SUSD4: variants seen among roughly 807,000 people sequenced by gnomAD.
The protein encoded by SUSD4 is sushi domain-containing protein 4.
A neutral mutation model predicts 50.5 loss-of-function variants in SUSD4; 41 were observed. The ratio of observed to expected loss-of-function variants is 0.81; its 90% CI spans 0.63 to 1.05. The LOEUF (loss-of-function observed/expected upper bound fraction) is 1.05, where lower values mean the gene tolerates loss of function less well. Among genes scored for constraint, SUSD4 ranks in the 50% least tolerant of loss-of-function variants. The probability of loss-of-function intolerance (pLI) is 0.00; values close to 1 mark genes in which losing one functional copy is unlikely to be tolerated. For synonymous variants in SUSD4, 257 were observed against 257.3 expected (o/e 1.00, Z 0.01); for missense variants, 580 against 634.7 (o/e 0.91, Z 0.93).
intron 2 of SUSD4, among the ~76,000 whole-genome samples, chr1:223,294,679 A>T (rs897487748): frequency 6.6e-6 from 1 of 152,194 alleles, no homozygotes; most frequent in Non-Finnish European, 1.5e-5. Context: ...CACATCTGAC[A>T]CTTGTACTTA....
intron 2 of SUSD4, among the ~76,000 whole-genome samples, chr1:223,356,553 G>A (rs938738893): frequency 6.6e-6 from 1 of 151,902 alleles, no homozygotes; most frequent in South Asian, 2.1e-4. Context: ...TGGGATTACC[G>A]GCATGAGCCA....
chr1:223,254,386 A>G (rs554832847), intron 5 of SUSD4, among the ~76,000 whole-genome samples: 68 of 152,296 alleles, frequency 4.5e-4, no homozygotes, highest in African/African-American at 1.6e-3. Flanking sequence ...ATTAAAAAAA[A>G]AGAGACAGAT....
At chr1:223,337,559 G>T (rs749235395) in intron 2 of SUSD4, among the ~76,000 whole-genome samples, 115 of 152,290 alleles carry the variant, frequency 7.6e-4, no homozygotes, top group Non-Finnish European at 6.8e-4. Context: ...AAGCTCTACT[G>T]CAACCTAACA....
At chr1:223,283,966 C>G (rs1362302019) in intron 3 of SUSD4, among the ~76,000 whole-genome samples, 1 of 152,000 alleles carries the variant, frequency 6.6e-6, no homozygotes, top group Admixed American at 6.6e-5. Flanking sequence ...TCATTCTCAG[C>G]AAACTATCAC....
rs141506504 is a variant in SUSD4, at chr1:223,301,756, C to G, written c.149-9105G>C. On this transcript the variant is annotated intron_variant, in intron 2 of 8. Transcript: ENST00000366878. ...AAAAAACCTTGCCTATTTTTAAAGA[C>G]AAAGTTTAGTCATCTGGGCATGTTA... 4.1e-3 allele frequency among the ~76,000 whole-genome samples: 617 copies of G among 152,244 alleles called. 2 individuals carry two copies. The highest frequency in any genetic ancestry group is 0.014 in the African/African-American group (585 of 41,542).
intron 3 of SUSD4, among the ~76,000 whole-genome samples, chr1:223,278,482 G>A (rs1405069918): frequency 6.6e-6 from 1 of 152,216 alleles, no homozygotes; most frequent in African/African-American, 2.4e-5. Context: ...ACAGCAGTCT[G>A]AGATCGAACT....
chr1:223,261,334 TGTTAAATA>T (rs1662107152), intron 5 of SUSD4, among the ~76,000 whole-genome samples: 2 of 152,182 alleles, frequency 1.3e-5, no homozygotes, highest in African/African-American at 4.8e-5. Flanking sequence ...AATCAGAACA[TGTTAAATA>T]GACAATGTAC....
chr1:223,235,849 CA>C (rs1660183774), intron 5 of SUSD4, among the ~76,000 whole-genome samples: 1 of 152,114 alleles, frequency 6.6e-6, no homozygotes, highest in Non-Finnish European at 1.5e-5. Context: ...TTGGTGTGGA[CA>C]TAAGTTTTCA....
At chr1:223,312,138 T>C (rs968196237) in intron 2 of SUSD4, among the ~76,000 whole-genome samples, 7 of 152,162 alleles carry the variant, frequency 4.6e-5, no homozygotes, top group Non-Finnish European at 7.3e-5. Flanking sequence ...AAAAAACATA[T>C]GATTCTGGTT....
intron 2 of SUSD4, among the ~76,000 whole-genome samples, chr1:223,337,358 CATGAATGAATGA>C (rs535010021): frequency 6.6e-6 from 1 of 152,102 alleles, no homozygotes; most frequent in Non-Finnish European, 1.5e-5. Flanking sequence ...TAGTACAATG[CATGAATGAATGA>C]ATGAATGAAT....
At chr1:223,314,348 T>C (rs1666052520) in intron 2 of SUSD4, among the ~76,000 whole-genome samples, 1 of 152,082 alleles carries the variant, frequency 6.6e-6, no homozygotes, top group South Asian at 2.1e-4. Flanking sequence ...CTCAGCGGGG[T>C]GGCGGAACAG....
chr1:223,283,191 A>G (rs1351706150), intron 3 of SUSD4, among the ~76,000 whole-genome samples: 4 of 152,236 alleles, frequency 2.6e-5, no homozygotes, highest in Admixed American at 2.0e-4. Flanking sequence ...CATGTCTAAA[A>G]CACCAAAAGC....
At chr1:223,323,433 G>A (rs886316300) in intron 2 of SUSD4, among the ~76,000 whole-genome samples, 13 of 151,948 alleles carry the variant, frequency 8.6e-5, no homozygotes, top group African/African-American at 2.9e-4. Flanking sequence ...TGATCAACAG[G>A]GGCCCCAGAG....
chr1:223,299,855 C>T (rs1343425879), intron 2 of SUSD4, among the ~76,000 whole-genome samples: 1 of 152,146 alleles, frequency 6.6e-6, no homozygotes, highest in Non-Finnish European at 1.5e-5. Context: ...ATCATTGGCT[C>T]TCCTGGGTCT....
Position 223,332,212 on chromosome 1 carries a change from A to G in SUSD4, c.148+31066T>C, listed in dbSNP as rs564334508. On this transcript the variant is annotated intron_variant, in intron 2 of 8. Coordinates refer to ENST00000366878, the MANE Select transcript of SUSD4 (RefSeq NM_017982.4). The surrounding 1 kb of genome is among the most constrained non-coding windows in gnomAD (Gnocchi z 4.0). ...TCTGTGTAGCCATAAAATACCTAAG[A>G]TGTGGTTCATAAAATATTTGGAGGG... Among the ~76,000 whole-genome samples, 1 of 152,268 alleles carries G rather than the reference A, an allele frequency of 6.6e-6. No individual in the cohort carries two copies. The highest frequency in any genetic ancestry group is 2.4e-5 in the African/African-American group (1 of 41,546).
At chr1:223,312,795 A>G (rs1167081605) in intron 2 of SUSD4, among the ~76,000 whole-genome samples, 1 of 152,068 alleles carries the variant, frequency 6.6e-6, no homozygotes, top group Non-Finnish European at 1.5e-5. Flanking sequence ...TCACAGTGTC[A>G]CCCATCAGCC....
chr1:223,274,961 A>G (rs925773285), intron 3 of SUSD4, among the ~76,000 whole-genome samples: 4 of 152,208 alleles, frequency 2.6e-5, no homozygotes, highest in African/African-American at 7.2e-5. Context: ...TAAACAACCT[A>G]TGAGTCCAAA....
At chr1:223,301,502 TAAAG>T (rs946844003) in intron 2 of SUSD4, among the ~76,000 whole-genome samples, 3 of 152,100 alleles carry the variant, frequency 2.0e-5, no homozygotes, top group African/African-American at 7.2e-5. Context: ...AGCAGTAAAA[TAAAG>T]AGAGAAGGAT....
At chr1:223,235,556 G>A (rs1247381244) in intron 5 of SUSD4, among the ~76,000 whole-genome samples, 7 of 133,718 alleles carry the variant, frequency 5.2e-5, no homozygotes, top group African/African-American at 1.7e-4. Context: ...ATCACTGATC[G>A]TTTTGCTGTC....
Sources: gnomAD v4.1 joint callset for allele counts (sites outside exome capture counted in the v4.1 genomes callset) on GRCh38, gnomAD v4.1.1 for gene constraint, Gnocchi (gnomAD v3.1) non-coding constraint, MANE v1.5 for transcripts, NCBI Gene and HGNC (gene_info 2026-07-23, HGNC 2026-07-21) for gene names.